Variants in COLQ observed in about 807,000 individuals in gnomAD.
COLQ encodes the protein collagen like tail subunit of asymmetric acetylcholinesterase, also known as acetylcholinesterase collagenic tail peptide.
Under a neutral mutation model 69.0 loss-of-function variants are expected in COLQ, and 48 were observed. That is an observed-to-expected ratio of 0.70 (90% CI 0.55 to 0.88). The LOEUF (loss-of-function observed/expected upper bound fraction) is 0.88, where lower values mean the gene tolerates loss of function less well. COLQ is among the 40% of genes least tolerant of loss of function. The pLI, the probability that COLQ is intolerant of heterozygous loss-of-function variation, is 0.00. For synonymous variants in COLQ, 217 were observed against 211.2 expected, an observed-to-expected ratio of 1.03 and a Z score of -0.24; for missense variants, 618 against 594.6, an observed-to-expected ratio of 1.04 and a Z score of -0.41.
At chr3:15,474,173 G>A in intron 9 of COLQ, 55 bp downstream of exon 9, 1 of 1,606,484 alleles carries the variant, frequency 6.2e-7, no homozygotes, top group Non-Finnish European at 8.5e-7. Context: ...GGGTGGGTGG[G>A]GGCTGCTACT....
Position 15,475,488 on chromosome 3 carries a change from C to A in COLQ, c.466-1G>T. 6.3e-7 allele frequency: 1 copy of A among 1,593,604 alleles called. No individual in the cohort carries two copies. Among genetic ancestry groups the A allele is most frequent in the East Asian group, 2.3e-5 (1 of 44,406 alleles). ...TCATACCCAGGTCACCTTTTTCACC[C>A]TGTGGGAATTAGAAGAAGAAAAGAC... On this transcript the variant is annotated splice_acceptor_variant, in intron 6 of 16. Coordinates refer to ENST00000383788, the MANE Select transcript of COLQ (RefSeq NM_005677.4). LOFTEE classifies it high-confidence loss of function.
chr3:15,478,803 T>G (rs370220198), intron 5 of COLQ, 174 bp downstream of exon 5: 60 of 771,238 alleles, frequency 7.8e-5, no homozygotes, highest in African/African-American at 7.7e-4. Context: ...AACAAAGAAG[T>G]TGACAGAAAG....
intron 12 of COLQ, among the ~76,000 whole-genome samples, chr3:15,458,703 C>T (rs2062061983): frequency 6.6e-6 from 1 of 152,214 alleles, no homozygotes; most frequent in South Asian, 2.1e-4. Context: ...CCAGCTACTG[C>T]CTGCCTCTGG....
chr3:15,457,115 C>T (rs898817552), intron 13 of COLQ, among the ~76,000 whole-genome samples: 8 of 152,028 alleles, frequency 5.3e-5, no homozygotes, highest in African/African-American at 9.7e-5. Context: ...TGAGCCACCG[C>T]GCCCGGCCTC....
At chr3:15,466,787 T>C (rs2125104195) in intron 11 of COLQ, among the ~76,000 whole-genome samples, 1 of 152,312 alleles carries the variant, frequency 6.6e-6, no homozygotes, top group Non-Finnish European at 1.5e-5. Flanking sequence ...GATAAAGACT[T>C]AGCTCTTTAC....
In COLQ at chr3:15,478,867, G is replaced by A; in HGVS notation, c.393+110C>T. The A allele has an allele frequency of 2.4e-6, 3 of 1,275,958 alleles. No individual in the cohort carries two copies. The South Asian group carries it at 3.6e-5, about 15-fold the overall frequency. The allele number at this position is 1,275,958 out of a possible 1,614,324, so 79.0% of individuals were successfully genotyped here. ...CAGCAGCACCATCACTGTCCACCTG[G>A]GTATCAGTGACCACTGAAGTGCATT... is the stretch of plus-strand genomic sequence containing the variant. On this transcript the variant is annotated intron_variant, in intron 5 of 16. Coordinates refer to ENST00000383788, the MANE Select transcript of COLQ (RefSeq NM_005677.4).
chr3:15,475,754 G>A (rs1465983304), intron 6 of COLQ, among the ~76,000 whole-genome samples: 1 of 152,156 alleles, frequency 6.6e-6, no homozygotes, highest in East Asian at 1.9e-4. Flanking sequence ...TGTTGTATAT[G>A]GTAATACTTG....
At chr3:15,475,668 T>C (rs1310939790) in intron 6 of COLQ, among the ~76,000 whole-genome samples, 181 bp from the exon 7 acceptor site, 1 of 152,210 alleles carries the variant, frequency 6.6e-6, no homozygotes, top group Non-Finnish European at 1.5e-5. Flanking sequence ...CCACATTTCA[T>C]TCTTGTGTTT....
rs1384383535 is a variant in COLQ, at chr3:15,489,515, A to G, written c.219+10T>C. 4 of 1,613,840 alleles carry G rather than the reference A, an allele frequency of 2.5e-6. No individual in the cohort carries two copies. The South Asian group carries it at 4.4e-5, about 18-fold the overall frequency. On this transcript the variant is annotated intron_variant, in intron 2 of 16. Transcript: ENST00000383788. ...ACTTTTTTTCCTCTCATAAATCCCA[A>G]AGTACTCACCGGACTTCGGCCACCT... is the stretch of plus-strand genomic sequence containing the variant.
chr3:15,494,341 G>C (rs184145904), intron 1 of COLQ, among the ~76,000 whole-genome samples: 2 of 152,288 alleles, frequency 1.3e-5, no homozygotes, highest in East Asian at 3.9e-4. Flanking sequence ...GACTGATGCA[G>C]AGAAACGGGG....
chr3:15,513,108 T>A (rs986280674), intron 1 of COLQ, among the ~76,000 whole-genome samples: 1 of 152,156 alleles, frequency 6.6e-6, no homozygotes, highest in Non-Finnish European at 1.5e-5. Context: ...AAATATAATA[T>A]GTGTCAAGAG....
intron 1 of COLQ, chr3:15,498,628 G>A (rs2062786380): frequency 6.4e-7 from 1 of 1,551,384 alleles, no homozygotes. Context: ...GGGAACACTA[G>A]CCGGAGACAG....
At chr3:15,510,088 A>G (rs1180710114) in intron 1 of COLQ, among the ~76,000 whole-genome samples, 2 of 152,076 alleles carry the variant, frequency 1.3e-5, no homozygotes, top group Non-Finnish European at 2.9e-5. Flanking sequence ...AGGCAGGAGA[A>G]TGGCGTGAGC....
At chr3:15,518,319 G>A (rs76963410) in intron 1 of COLQ, among the ~76,000 whole-genome samples, 474 of 152,056 alleles carry the variant, frequency 3.1e-3, no homozygotes, top group Non-Finnish European at 5.1e-3. Context: ...CTTATCATCC[G>A]TCATTGTGTC....
At chr3:15,466,826 G>C (rs773574007) in intron 11 of COLQ, among the ~76,000 whole-genome samples, 2 of 152,198 alleles carry the variant, frequency 1.3e-5, no homozygotes, top group Non-Finnish European at 2.9e-5. Context: ...GCATGGCTAG[G>C]CTTTCCAGCT....
intron 1 of COLQ, chr3:15,506,501 T>C (rs112653494): frequency 1.0e-4 from 16 of 152,384 alleles, no homozygotes; most frequent in African/African-American, 3.4e-4. Flanking sequence ...TGGGAATATT[T>C]TGTGCATATA....
chr3:15,477,804 C>A (rs1295490017), intron 5 of COLQ, among the ~76,000 whole-genome samples: 4 of 152,200 alleles, frequency 2.6e-5, no homozygotes, highest in African/African-American at 9.7e-5. Flanking sequence ...AGCTCGACTT[C>A]ACCTGATACC....
At chr3:15,480,673 T>C (rs1434780041) in intron 3 of COLQ, among the ~76,000 whole-genome samples, 1 of 152,212 alleles carries the variant, frequency 6.6e-6, no homozygotes, top group Non-Finnish European at 1.5e-5. Context: ...GCAGCACGAT[T>C]TACAATCCTT....
chr3:15,499,358 T>C (rs769359791), intron 1 of COLQ, among the ~76,000 whole-genome samples: 1 of 152,224 alleles, frequency 6.6e-6, no homozygotes, highest in Non-Finnish European at 1.5e-5. Context: ...ATAAGCACTG[T>C]TGTTTTGATC....
Sources: gnomAD v4.1 joint callset for allele counts (sites outside exome capture counted in the v4.1 genomes callset) on GRCh38, gnomAD v4.1.1 for gene constraint, MANE v1.5 for transcripts, NCBI Gene and HGNC (gene_info 2026-07-23, HGNC 2026-07-21) for gene names.